Variants in CPHXL2 observed in about 807,000 individuals in gnomAD.
CPHXL2 encodes the protein cytoplasmic polyadenylated homeobox-like protein 2.
the CPHXL2 span, among the ~76,000 whole-genome samples, chr16:75,663,502 T>G: frequency 6.6e-6 from 1 of 152,182 alleles, no homozygotes; most frequent in Admixed American, 6.5e-5. Context: ...AGTTCAGACC[T>G]TGATAGCAAA....
the CPHXL2 span, among the ~76,000 whole-genome samples, chr16:75,665,773 G>T: frequency 6.6e-6 from 1 of 152,198 alleles, no homozygotes; most frequent in Non-Finnish European, 1.5e-5. Context: ...TGAGACAGGA[G>T]ATAATCACTG....
At chr16:75,664,225 G>A in the CPHXL2 span, among the ~76,000 whole-genome samples, 18 of 152,120 alleles carry the variant, frequency 1.2e-4, no homozygotes, top group Non-Finnish European at 1.9e-4. Context: ...GACCACCTTG[G>A]GCACATATCA....
At chr16:75,662,660 T>C in the CPHXL2 span, among the ~76,000 whole-genome samples, 1 of 152,148 alleles carries the variant, frequency 6.6e-6, no homozygotes, top group Non-Finnish European at 1.5e-5. Flanking sequence ...ATTCAATTTG[T>C]CTAATCTTTA....
At chr16:75,661,620 C>T in the CPHXL2 span, among the ~76,000 whole-genome samples, 4 of 151,942 alleles carry the variant, frequency 2.6e-5, no homozygotes, top group Non-Finnish European at 5.9e-5. Context: ...AGCTGTCCCA[C>T]CTAGACGTGG....
At chr16:75,661,421 A>T in the CPHXL2 span, among the ~76,000 whole-genome samples, 1 of 152,306 alleles carries the variant, frequency 6.6e-6, no homozygotes, top group African/African-American at 2.4e-5. Context: ...CTAGAACTGC[A>T]CATATGATAC....
At chr16:75,664,049 A>C in the CPHXL2 span, among the ~76,000 whole-genome samples, 1 of 152,282 alleles carries the variant, frequency 6.6e-6, no homozygotes, top group African/African-American at 2.4e-5. Context: ...CTAGTGATAA[A>C]AACTCTTTCA....
the CPHXL2 span, chr16:75,669,467 A>G: frequency 2.5e-6 from 1 of 400,668 alleles, no homozygotes; most frequent in East Asian, 3.6e-5. Context: ...TCCTGCAATA[A>G]TTCTTCAGAA....
chr16:75,667,594 T>G, the CPHXL2 span, among the ~76,000 whole-genome samples: 4 of 152,206 alleles, frequency 2.6e-5, no homozygotes, highest in African/African-American at 9.6e-5. Flanking sequence ...CAGAAAAATG[T>G]CCACAAATAT....
chr16:75,662,867 C>T, the CPHXL2 span, among the ~76,000 whole-genome samples: 2 of 144,504 alleles, frequency 1.4e-5, no homozygotes, highest in Admixed American at 7.3e-5. Context: ...GGCGCAGTGT[C>T]GGCTTACTTC....
chr16:75,671,934 G>A, the CPHXL2 span, among the ~76,000 whole-genome samples: 2 of 151,974 alleles, frequency 1.3e-5, no homozygotes, highest in African/African-American at 4.8e-5. Flanking sequence ...CAAAGATGTG[G>A]CTAGAATGGG....
chr16:75,671,289 A>T, the CPHXL2 span, among the ~76,000 whole-genome samples: 8,418 of 150,616 alleles, frequency 0.056, 288 homozygotes, highest in African/African-American at 0.087. Flanking sequence ...GAGCCTGGGG[A>T]AGGCAGGGGC....
At chr16:75,666,712 T>C in the CPHXL2 span, among the ~76,000 whole-genome samples, 1 of 151,662 alleles carries the variant, frequency 6.6e-6, no homozygotes, top group Non-Finnish European at 1.5e-5. Flanking sequence ...ATTTAAGCTA[T>C]ACTCTGGAAC....
chr16:75,673,036 C>G, the CPHXL2 span, among the ~76,000 whole-genome samples: 12 of 137,058 alleles, frequency 8.8e-5, no homozygotes, highest in African/African-American at 3.4e-4. Flanking sequence ...GCACGTGCCA[C>G]TGCACTCCAG....
the CPHXL2 span, among the ~76,000 whole-genome samples, chr16:75,662,795 TC>T: frequency 5.5e-5 from 8 of 146,278 alleles, no homozygotes; most frequent in African/African-American, 2.0e-4. Flanking sequence ...GGGAGATAAT[TC>T]TTTTTTTTTT....
chr16:75,663,755 G>A, the CPHXL2 span, among the ~76,000 whole-genome samples: 2,323 of 151,808 alleles, frequency 0.015, 29 homozygotes, highest in Non-Finnish European at 0.026. Flanking sequence ...GCATGGTGGC[G>A]GGCACCTGTA....
At chr16:75,675,539 G>A in the CPHXL2 span, among the ~76,000 whole-genome samples, 17 of 152,126 alleles carry the variant, frequency 1.1e-4, no homozygotes, top group South Asian at 3.5e-3. Flanking sequence ...AAAATTCACC[G>A]AAGAAAAAAT....
At chr16:75,676,697 TC>T in the CPHXL2 span, among the ~76,000 whole-genome samples, 2 of 152,034 alleles carry the variant, frequency 1.3e-5, no homozygotes, top group African/African-American at 4.8e-5. Flanking sequence ...CATTCAAACT[TC>T]CCCCCAAGAT....
the CPHXL2 span, chr16:75,661,178 T>A: frequency 2.5e-6 from 1 of 400,696 alleles, no homozygotes; most frequent in Admixed American, 4.4e-5. Flanking sequence ...GGAAATCGTG[T>A]TTTTTCCAAG....
At chr16:75,660,853 C>T in the CPHXL2 span, 1 of 398,518 alleles carries the variant, frequency 2.5e-6, no homozygotes, top group Non-Finnish European at 4.4e-6. Context: ...CCTCCATACT[C>T]CAAAGCATAG....
Sources: allele counts gnomAD v4.1 joint callset (sites outside exome capture counted in the v4.1 genomes callset), GRCh38; gene constraint gnomAD v4.1.1; transcripts MANE v1.5; gene names NCBI Gene and HGNC (gene_info 2026-07-23, HGNC 2026-07-21).